Variants in LCOR observed in about 807,000 individuals in gnomAD.
The protein encoded by LCOR is ligand dependent nuclear receptor corepressor.
LCOR carries 14 observed loss-of-function variants against 64.4 expected under a neutral mutation model. That is an observed-to-expected ratio of 0.22 (90% confidence interval 0.14 to 0.34). The LOEUF (loss-of-function observed/expected upper bound fraction) is 0.34, where lower values mean the gene tolerates loss of function less well. Among genes scored for constraint, LCOR ranks in the 10% least tolerant of loss-of-function variants. The pLI is 1.00. For synonymous variants in LCOR, 643 were observed against 642.5 expected, an observed-to-expected ratio of 1.00 and a Z score of -0.01; for missense variants, 1,686 against 1,765.3, an observed-to-expected ratio of 0.96 and a Z score of 0.80.
At chr10:96,839,786 A>G (rs1845507782) in intron 2 of LCOR, among the ~76,000 whole-genome samples, 1 of 152,110 alleles carries the variant, frequency 6.6e-6, no homozygotes, top group Non-Finnish European at 1.5e-5. Context: ...TCCAGGTTCA[A>G]GTAATTCTCC....
intron 2 of LCOR, among the ~76,000 whole-genome samples, chr10:96,853,621 G>A (rs1845755473): frequency 6.6e-6 from 1 of 152,110 alleles, no homozygotes; most frequent in African/African-American, 2.4e-5. Context: ...GGGGTGATTT[G>A]GCTGATGTAG....
chr10:96,871,091 C>G (rs973862760), intron 2 of LCOR, among the ~76,000 whole-genome samples: 5 of 152,156 alleles, frequency 3.3e-5, no homozygotes, highest in Non-Finnish European at 7.3e-5. Flanking sequence ...GAATCTTGCT[C>G]TGTTGTCCAG....
At chr10:96,934,782 A>G (rs1847319496) in intron 4 of LCOR, among the ~76,000 whole-genome samples, 1 of 152,222 alleles carries the variant, frequency 6.6e-6, no homozygotes, top group Non-Finnish European at 1.5e-5. Flanking sequence ...TTGTATTTTC[A>G]GTAGAGACAG....
At chr10:96,929,115 T>G (rs141681361) in intron 4 of LCOR, among the ~76,000 whole-genome samples, 12 of 152,320 alleles carry the variant, frequency 7.9e-5, no homozygotes, top group Non-Finnish European at 1.3e-4. Flanking sequence ...GAATCGTAAA[T>G]GAGCACTGGC....
chr10:96,983,159 A>T lies in LCOR; in HGVS notation c.2699A>T (p.Glu900Val). The T allele has an allele frequency of 6.2e-7, 1 of 1,614,138 alleles. No homozygotes were observed. Among genetic ancestry groups the T allele is most frequent in the Middle Eastern group, 1.7e-4 (1 of 6,060 alleles). ...CCCTCTGAGAAAGATGCTGAGCAGG[A>T]GGGCGAAGGCGGGGGGATCATCACC... ...ERPSEKDAEQ[E>V]GEGGGIITRQ... Residue 900 changes from glutamate (E) to valine (V), a missense_variant, in exon 8 of 8, where the codon GAG (glutamate) becomes GTG (valine). Around this residue, in one of 3 missense-constraint regions of LCOR, gnomAD observed 1,293 missense variants for 1,410.4 expected, o/e 0.92. Transcript: ENST00000421806. This position sits in a 1 kb window ranked among gnomAD's most constrained non-coding sequence, Gnocchi z 4.5.
rs2134364281 is a variant in LCOR at position 96,841,131 on chromosome 10, G to A, written c.-330+7652G>A. ...TGTACTCTAGCCTGAGGGACAGAGTGAGACCCTGTCTCAGGAAAAAAGAGA... is the reference window on the plus strand; with the variant it reads ...TGTACTCTAGCCTGAGGGACAGAGTAAGACCCTGTCTCAGGAAAAAAGAGA... On this transcript the variant is annotated intron_variant, in intron 2 of 7. Coordinates refer to ENST00000421806, the MANE Select transcript of LCOR (RefSeq NM_001346516.2). Among the ~76,000 whole-genome samples the A allele has an allele frequency of 2.0e-5, 3 of 152,302 alleles. No individual in the cohort carries two copies. The South Asian group carries it at 6.2e-4, about 32-fold the overall frequency.
At chr10:96,918,769 A>G (rs1395706865) in intron 4 of LCOR, among the ~76,000 whole-genome samples, 2 of 152,212 alleles carry the variant, frequency 1.3e-5, no homozygotes, top group African/African-American at 4.8e-5. Flanking sequence ...GAATGCCTGA[A>G]TATAAGAACC....
In LCOR at chr10:96,995,391, A is replaced by T. The variant is rs1048928935; in HGVS notation, c.*10257A>T. Reference sequence around the variant, plus strand: ...GAAGCAGTGAAATGAGAAATTCTGCAAGTGGCCACCCGGAAGATCAGTCTG... The same window carrying T: ...GAAGCAGTGAAATGAGAAATTCTGCTAGTGGCCACCCGGAAGATCAGTCTG... On this transcript the variant is annotated 3_prime_UTR_variant, in exon 8 of 8. Coordinates refer to ENST00000421806, the MANE Select transcript of LCOR (RefSeq NM_001346516.2). The surrounding 1 kb of genome is among the most constrained non-coding windows in gnomAD (Gnocchi z 4.2). 1.3e-5 allele frequency: 2 copies of T among 152,258 alleles called. No homozygotes were observed. The highest frequency in any genetic ancestry group is 6.5e-5 in the Admixed American group (1 of 15,280). The allele number at this position is 152,258 out of a possible 1,614,324, so 9.4% of individuals were successfully genotyped here. A position where few individuals can be genotyped will look rare whatever the true frequency, so the allele number is the denominator to read the frequency against.
At chr10:96,836,988 A>G (rs1225320903) in intron 2 of LCOR, among the ~76,000 whole-genome samples, 1 of 149,412 alleles carries the variant, frequency 6.7e-6, no homozygotes, top group African/African-American at 2.5e-5. Context: ...AAAATGACAC[A>G]GATTCTTTTT....
chr10:96,974,276 T>C (rs955745177), intron 7 of LCOR, among the ~76,000 whole-genome samples: 7 of 152,246 alleles, frequency 4.6e-5, no homozygotes, highest in African/African-American at 1.7e-4. Context: ...ATTTAAGTAT[T>C]GGAAATCCAG....
chr10:96,847,697 C>T (rs1207564576), intron 2 of LCOR, among the ~76,000 whole-genome samples: 1 of 152,232 alleles, frequency 6.6e-6, no homozygotes, highest in East Asian at 1.9e-4. Context: ...CTACCTTGGC[C>T]TCCCAAAGTG....
intron 2 of LCOR, among the ~76,000 whole-genome samples, chr10:96,896,798 T>C (rs902358603): frequency 6.6e-6 from 1 of 152,084 alleles, no homozygotes; most frequent in Non-Finnish European, 1.5e-5. Context: ...CCTAATAGTA[T>C]AAAGCTCCCG....
chr10:96,859,303 G>A (rs984012233), intron 2 of LCOR, among the ~76,000 whole-genome samples: 3 of 152,008 alleles, frequency 2.0e-5, no homozygotes, highest in Admixed American at 1.3e-4. Flanking sequence ...TTAGCGTCCC[G>A]GGTTCAAGCA....
chr10:96,877,281 T>C (rs1846183593), intron 2 of LCOR, among the ~76,000 whole-genome samples: 1 of 152,126 alleles, frequency 6.6e-6, no homozygotes, highest in East Asian at 1.9e-4. Flanking sequence ...TCAAGCACTT[T>C]GGGAGGCAGA....
intron 2 of LCOR, among the ~76,000 whole-genome samples, chr10:96,833,791 G>C (rs1381975094): frequency 6.6e-6 from 1 of 152,192 alleles, no homozygotes; most frequent in African/African-American, 2.4e-5. Context: ...TCGTTGGAAG[G>C]AATTATGCAA....
chr10:96,936,847 T>TAC (rs1847359321), intron 4 of LCOR, among the ~76,000 whole-genome samples: 1 of 152,200 alleles, frequency 6.6e-6, no homozygotes, highest in African/African-American at 2.4e-5. Context: ...TTTTTTCCTG[T>TAC]ACACACATAC....
intron 2 of LCOR, among the ~76,000 whole-genome samples, chr10:96,898,045 A>G (rs983240934): frequency 1.3e-5 from 2 of 152,134 alleles, no homozygotes; most frequent in Non-Finnish European, 2.9e-5. Flanking sequence ...CATCCAACAA[A>G]TATTTATTGA....
intron 2 of LCOR, among the ~76,000 whole-genome samples, chr10:96,904,772 A>G (rs1346542088): frequency 6.6e-6 from 1 of 152,008 alleles, no homozygotes; most frequent in Non-Finnish European, 1.5e-5. Context: ...ATACATTTTG[A>G]ATATATTTGT....
intron 4 of LCOR, among the ~76,000 whole-genome samples, chr10:96,918,208 A>G (rs1846988237): frequency 1.3e-5 from 2 of 152,176 alleles, no homozygotes; most frequent in African/African-American, 4.8e-5. Context: ...TGAGTTACCC[A>G]TTTTGCATCA....
Sources: allele counts gnomAD v4.1 joint callset (sites outside exome capture counted in the v4.1 genomes callset), GRCh38; gene constraint gnomAD v4.1.1; regional missense constraint gnomAD v4.1.1; non-coding constraint Gnocchi (gnomAD v3.1); transcripts MANE v1.5; gene names NCBI Gene and HGNC (gene_info 2026-07-23, HGNC 2026-07-21).